COMMD5: variants seen among roughly 807,000 people sequenced by gnomAD.
COMMD5 encodes the protein COMM domain containing 5.
In COMMD5, 10 loss-of-function variants were observed where a neutral mutation model predicts 6.9. That is an observed-to-expected ratio of 1.44 (90% CI 0.89 to 2.45). The LOEUF (loss-of-function observed/expected upper bound fraction) is 2.45, where lower values mean the gene tolerates loss of function less well. Among genes scored for constraint, COMMD5 ranks in the 30% most tolerant of loss-of-function variants. The probability of loss-of-function intolerance (pLI) is 0.00; values close to 1 mark genes in which losing one functional copy is unlikely to be tolerated. For missense variants in COMMD5, 234 were observed against 287.8 expected, an observed-to-expected ratio of 0.81 and a Z score of 1.35; for synonymous variants, 127 against 125.3, an observed-to-expected ratio of 1.01 and a Z score of -0.09.
intron 1 of COMMD5, 87 bp from the exon 2 acceptor site, chr8:144,851,482 A>C (rs1338906354): frequency 1.1e-6 from 1 of 889,844 alleles, no homozygotes; most frequent in Non-Finnish European, 1.7e-6. Flanking sequence ...CATCATCAGC[A>C]TGCTGACAGT....
At chr8:144,849,096 G>A (rs1830630547), downstream of COMMD5, among the ~76,000 whole-genome samples, 1 of 152,234 alleles carries the variant, frequency 6.6e-6, no homozygotes, top group Admixed American at 6.5e-5. Context: ...GAAGCAGAAG[G>A]ATGGGGCTGT....
Position 144,851,148 on chromosome 8 carries a change from C to G in COMMD5, c.191G>C (p.Cys64Ser). The G allele has an allele frequency of 6.2e-7, 1 of 1,613,250 alleles. No individual in the cohort carries two copies. Among genetic ancestry groups the G allele is most frequent in the Non-Finnish European group, 8.5e-7 (1 of 1,180,014 alleles). Residue 64 changes from cysteine to serine, a missense_variant, in exon 2 of 2, where the codon TGC (cysteine) becomes TCC (serine). By Grantham distance (112) the Cys-to-Ser change is moderately radical (BLOSUM62 -1). Transcript: ENST00000305103. ...FVVSSLQGED[C>S]REAVQRLGVS... Reference sequence around the variant, plus strand: ...CCCAAGACGCTGCACAGCCTCTCGGCAGTCCTCCCCCTGCAGGCTGCTGAC... The same window carrying G: ...CCCAAGACGCTGCACAGCCTCTCGGGAGTCCTCCCCCTGCAGGCTGCTGAC...
At chr8:144,838,015 G>A (rs1453486236), downstream of COMMD5, 6 of 698,798 alleles carry the variant, frequency 8.6e-6, no homozygotes, top group East Asian at 2.7e-5. Context: ...CAGCTGTGGA[G>A]GCCGGAAATC....
chr8:144,841,572 G>A lies in COMMD5; in HGVS notation c.*288C>T, dbSNP rs766934206. ...CCTTCCAAAATAACTGTTTGAATGA[G>A]GAGACTGTGGTTCCCAAGACCTTCA... On this transcript the variant is annotated 3_prime_UTR_variant and NMD_transcript_variant, in exon 2 of 2. Transcript: ENST00000530332. 4.3e-6 allele frequency: 7 copies of A among 1,614,154 alleles called. No individual in the cohort carries two copies. In the South Asian group the frequency reaches 6.6e-5, roughly 15 times the overall value.
downstream of COMMD5, chr8:144,846,030 C>A: frequency 6.5e-7 from 1 of 1,536,598 alleles, no homozygotes; most frequent in Non-Finnish European, 8.7e-7. Context: ...CCACATGCAC[C>A]GCCTGCAACT....
intron 1 of COMMD5, chr8:144,842,584 G>T: frequency 6.2e-7 from 1 of 1,614,216 alleles, no homozygotes. Flanking sequence ...AATCCACACT[G>T]GAGAGAAACC....
intron 1 of COMMD5, chr8:144,842,060 G>A: frequency 6.2e-7 from 1 of 1,614,144 alleles, no homozygotes; most frequent in East Asian, 2.2e-5. Context: ...TTTGGTCAGA[G>A]CTCAAGCCTC....
chr8:144,845,962 CTT>C (rs1323034678), downstream of COMMD5: 1 of 1,535,862 alleles, frequency 6.5e-7, no homozygotes, highest in East Asian at 2.4e-5. Context: ...GTTGCTGTTG[CTT>C]TTTCTCTACT....
downstream of COMMD5, among the ~76,000 whole-genome samples, chr8:144,840,260 C>A (rs561075724): frequency 2.0e-5 from 3 of 152,330 alleles, no homozygotes; most frequent in African/African-American, 7.2e-5. Flanking sequence ...CCTTGAGCAT[C>A]CCTGCTACAC....
At chr8:144,849,386 C>T (rs182941278), downstream of COMMD5, among the ~76,000 whole-genome samples, 52 of 152,240 alleles carry the variant, frequency 3.4e-4, no homozygotes, top group African/African-American at 1.2e-3. Flanking sequence ...AGTCTACTGA[C>T]CCCACCCCCA....
downstream of COMMD5, among the ~76,000 whole-genome samples, chr8:144,849,030 G>A (rs1194124723): frequency 1.3e-5 from 2 of 152,232 alleles, no homozygotes; most frequent in South Asian, 2.1e-4. Flanking sequence ...TCAGCCTGAG[G>A]ACCGAGGGCA....
downstream of COMMD5, among the ~76,000 whole-genome samples, chr8:144,849,462 G>A (rs1338807474): frequency 1.3e-5 from 2 of 152,122 alleles, no homozygotes; most frequent in African/African-American, 4.8e-5. Context: ...ATCCAGGCTA[G>A]TGGAGGAGAC....
Position 144,850,852 on chromosome 8 carries a change from T to C in COMMD5, c.487A>G (p.Ile163Val), listed in dbSNP as rs145425990. ...GAGCGAGCCAGGGCACTGGTGGAGA[T>C]TGCTACATCCACCCGCCACCGAAAG... The part of the protein sequence containing the change: ...ADFRWRVDVA[I>V]STSALARSLQ... Residue 163 changes from isoleucine (I) to valine (V), a missense_variant, in exon 2 of 2, where the codon ATC (isoleucine) becomes GTC (valine). By Grantham distance (29) the Ile-to-Val change is conservative. Transcript: ENST00000305103. This position sits in a 1 kb window ranked among gnomAD's most constrained non-coding sequence, Gnocchi z 4.0. The C allele has an allele frequency of 3.1e-5, 50 of 1,613,454 alleles. No homozygotes were observed. The highest frequency in any genetic ancestry group is 4.1e-5 in the Non-Finnish European group (48 of 1,179,968).
chr8:144,846,236 C>T, downstream of COMMD5: 1 of 1,483,400 alleles, frequency 6.7e-7, no homozygotes. Flanking sequence ...CAGCAACCAG[C>T]CAAAAAGGGG....
Position 144,852,134 on chromosome 8 carries a change from G to GAGGA in COMMD5, c.-58+701_-58+704dup, listed in dbSNP as rs1298932333. Among the ~76,000 whole-genome samples, 10 of 136,016 alleles carry GAGGA rather than the reference G, an allele frequency of 7.4e-5. No individual in the cohort carries two copies. The East Asian group carries it at 1.3e-3, about 17-fold the overall frequency. 89.2% of individuals were successfully genotyped at this position (136,016 alleles called of 152,430 possible). A position where few individuals can be genotyped will look rare whatever the true frequency, so the allele number is the denominator to read the frequency against. The stretch of plus-strand genomic sequence containing the variant: ...CCAGCCTGGACAACAGAGATGCTGT[G>GAGGA]AGGAAGGAAGGAAGGAACGAACGAA... On this transcript the variant is annotated intron_variant, in intron 1 of 1. Coordinates refer to ENST00000305103, the MANE Select transcript of COMMD5 (RefSeq NM_014066.4).
intron 1 of COMMD5, among the ~76,000 whole-genome samples, chr8:144,844,032 T>C (rs1830336887): frequency 6.6e-6 from 1 of 152,118 alleles, no homozygotes; most frequent in South Asian, 2.1e-4. Context: ...GGTTGGCATT[T>C]ATGGAGCACA....
intron 1 of COMMD5, chr8:144,841,820 G>A (rs746282166): frequency 6.2e-7 from 1 of 1,614,198 alleles, no homozygotes; most frequent in East Asian, 2.2e-5. Context: ...TGCTTGCAGG[G>A]GAAACATACA....
chr8:144,842,940 A>G (rs1326546927), intron 1 of COMMD5: 1 of 1,614,062 alleles, frequency 6.2e-7, no homozygotes, highest in Non-Finnish European at 8.5e-7. Context: ...GGTTTTACGA[A>G]TATGGGAATG....
chr8:144,853,539 G>C (rs1358876617), upstream of COMMD5: 6 of 152,276 alleles, frequency 3.9e-5, no homozygotes, highest in Admixed American at 3.9e-4. Flanking sequence ...CTCCTGTCGG[G>C]TGGCGTCCGG....
Sources: allele counts gnomAD v4.1 joint callset (sites outside exome capture counted in the v4.1 genomes callset), GRCh38; gene constraint gnomAD v4.1.1; non-coding constraint Gnocchi (gnomAD v3.1); transcripts MANE v1.5; gene names NCBI Gene and HGNC (gene_info 2026-07-23, HGNC 2026-07-21).